Variants in MYO3B observed in about 807,000 individuals in gnomAD.
MYO3B encodes myosin-IIIb.
Under a neutral mutation model 174.6 loss-of-function variants are expected in MYO3B, and 156 were observed. The ratio of observed to expected loss-of-function variants is 0.89; its 90% CI spans 0.78 to 1.02. MYO3B has a LOEUF of 1.02. MYO3B is among the 50% of genes least tolerant of loss of function. The pLI is 0.00. For synonymous variants in MYO3B, 563 were observed against 569.1 expected (o/e 0.99, Z 0.15); for missense variants, 1,632 against 1,639.4 (o/e 1.00, Z 0.08).
intron 7 of MYO3B, among the ~76,000 whole-genome samples, chr2:170,297,721 T>C (rs1283634089): frequency 6.6e-6 from 1 of 152,112 alleles, no homozygotes; most frequent in Admixed American, 6.6e-5. Context: ...ATATATAGAG[T>C]AATAAGGAAT....
chr2:170,479,535 T>C (rs1685545885), intron 25 of MYO3B, among the ~76,000 whole-genome samples: 1 of 146,066 alleles, frequency 6.8e-6, no homozygotes, highest in Admixed American at 6.9e-5. Context: ...AATAGAGGTG[T>C]ATTTTATATA....
At chr2:170,647,346 A>C (rs1392223761) in intron 32 of MYO3B, among the ~76,000 whole-genome samples, 4 of 152,238 alleles carry the variant, frequency 2.6e-5, no homozygotes, top group Non-Finnish European at 5.9e-5. Flanking sequence ...AAAATCCAGC[A>C]AAGTACACTG....
chr2:170,599,363 T>C (rs1456240083), intron 32 of MYO3B, among the ~76,000 whole-genome samples: 2 of 152,210 alleles, frequency 1.3e-5, no homozygotes. Context: ...AATCTATTAC[T>C]CCCCAAGATT....
intron 7 of MYO3B, among the ~76,000 whole-genome samples, chr2:170,292,683 G>A (rs80195546): frequency 0.019 from 2,921 of 152,200 alleles, 40 homozygotes; most frequent in Non-Finnish European, 0.03. Flanking sequence ...TTCAAATGTG[G>A]AGATCCCAAA....
chr2:170,386,456 G>A (rs1170013308), intron 13 of MYO3B, among the ~76,000 whole-genome samples, 184 bp downstream of exon 13: 1 of 152,032 alleles, frequency 6.6e-6, no homozygotes, highest in Non-Finnish European at 1.5e-5. Flanking sequence ...CTTCCTTCAC[G>A]TAGGGAGGAG....
intron 22 of MYO3B, among the ~76,000 whole-genome samples, chr2:170,414,243 A>C (rs1160386204): frequency 6.6e-6 from 1 of 151,954 alleles, no homozygotes; most frequent in Non-Finnish European, 1.5e-5. Context: ...GCTGGAGTGC[A>C]ATGGCGCGAT....
At chr2:170,628,539 G>A (rs768038519) in intron 32 of MYO3B, among the ~76,000 whole-genome samples, 15 of 152,148 alleles carry the variant, frequency 9.9e-5, no homozygotes, top group Middle Eastern at 3.2e-3. Flanking sequence ...CGCTCAGTGC[G>A]CTGCACCCAC....
chr2:170,322,070 C>T (rs2032962), intron 7 of MYO3B, among the ~76,000 whole-genome samples: 20,334 of 148,200 alleles, frequency 0.14, 1,684 homozygotes, highest in Admixed American at 0.25. Flanking sequence ...GCCAAGATCA[C>T]GCCACTGTGC....
chr2:170,472,122 C>T lies in MYO3B; in HGVS notation c.3014+5411C>T, dbSNP rs1685013561. 2.0e-5 allele frequency among the ~76,000 whole-genome samples: 3 copies of T among 151,842 alleles called. No homozygotes were observed. The South Asian group carries it at 6.2e-4, about 32-fold the overall frequency. On this transcript the variant is annotated intron_variant, in intron 25 of 34. Transcript: ENST00000408978. Reference sequence around the variant, plus strand: ...ACGTTTTTTTTGCTCACCCTCTTGCCAGTTTTCTAAGTGGACTTCCTGCCT... The same window carrying T: ...ACGTTTTTTTTGCTCACCCTCTTGCTAGTTTTCTAAGTGGACTTCCTGCCT...
intron 32 of MYO3B, among the ~76,000 whole-genome samples, chr2:170,574,852 A>G (rs959287437): frequency 3.3e-5 from 5 of 152,214 alleles, no homozygotes; most frequent in Non-Finnish European, 5.9e-5. Flanking sequence ...AAATATGCTC[A>G]TAGAGGCAAA....
chr2:170,377,335 A>G (rs1180981732), intron 9 of MYO3B, among the ~76,000 whole-genome samples: 1 of 152,170 alleles, frequency 6.6e-6, no homozygotes, highest in African/African-American at 2.4e-5. Context: ...TTTCCCACTC[A>G]TTGGCTGGGC....
intron 7 of MYO3B, among the ~76,000 whole-genome samples, chr2:170,249,876 CT>C (rs2093232355): frequency 6.6e-6 from 1 of 152,152 alleles, no homozygotes; most frequent in Admixed American, 6.5e-5. Context: ...TAAAAGATTT[CT>C]GTAAAGAAAC....
At chr2:170,407,480 C>G (rs2094517347) in intron 21 of MYO3B, among the ~76,000 whole-genome samples, 1 of 149,654 alleles carries the variant, frequency 6.7e-6, no homozygotes, top group Non-Finnish European at 1.5e-5. Flanking sequence ...AAAAACAAAA[C>G]AACAACAAAA....
intron 32 of MYO3B, among the ~76,000 whole-genome samples, chr2:170,625,605 G>A (rs1033860581): frequency 6.6e-6 from 1 of 152,110 alleles, no homozygotes; most frequent in Admixed American, 6.6e-5. Flanking sequence ...GCTTTTGAAT[G>A]TGTTTGCTCT....
chr2:170,316,294 C>T (rs1158265344), intron 7 of MYO3B, among the ~76,000 whole-genome samples: 1 of 152,158 alleles, frequency 6.6e-6, no homozygotes, highest in Non-Finnish European at 1.5e-5. Context: ...TGAATTATTT[C>T]CAAATTACTC....
intron 7 of MYO3B, among the ~76,000 whole-genome samples, chr2:170,285,606 C>T (rs1453560952): frequency 6.6e-6 from 1 of 152,146 alleles, no homozygotes; most frequent in Non-Finnish European, 1.5e-5. Context: ...CTTAGGTAAT[C>T]CGCCTCCCTT....
intron 23 of MYO3B, among the ~76,000 whole-genome samples, chr2:170,444,312 C>T (rs1401952943): frequency 1.3e-5 from 2 of 152,206 alleles, no homozygotes; most frequent in African/African-American, 4.8e-5. Flanking sequence ...ATTTCTCTGA[C>T]ACTACCAGCA....
intron 7 of MYO3B, among the ~76,000 whole-genome samples, chr2:170,255,578 A>G (rs2093297673): frequency 6.6e-6 from 1 of 152,178 alleles, no homozygotes; most frequent in South Asian, 2.1e-4. Flanking sequence ...TGAAAGCACC[A>G]GAAACGAAGC....
intron 27 of MYO3B, among the ~76,000 whole-genome samples, chr2:170,500,663 C>T (rs999960929): frequency 6.6e-6 from 1 of 152,088 alleles, no homozygotes; most frequent in Non-Finnish European, 1.5e-5. Context: ...TAGATAGTGG[C>T]GGTATAAATG....
Sources: gnomAD v4.1 joint callset for allele counts (sites outside exome capture counted in the v4.1 genomes callset) on GRCh38, gnomAD v4.1.1 for gene constraint, MANE v1.5 for transcripts, NCBI Gene and HGNC (gene_info 2026-07-23, HGNC 2026-07-21) for gene names.